Variants in CUX2 observed in about 807,000 individuals in gnomAD.
The protein encoded by CUX2 is homeobox protein cut-like 2.
In CUX2, 40 loss-of-function variants were observed where a neutral mutation model predicts 144.8. The observed-to-expected ratio is 0.28, with a 90% CI of 0.21 to 0.36. The LOEUF (loss-of-function observed/expected upper bound fraction) is 0.36. Ranked by LOEUF, CUX2 falls within the 10% of genes least tolerant of loss-of-function variation. The pLI is 1.00. For missense variants in CUX2, 1,615 were observed against 1,994.0 expected (o/e 0.81, Z 3.62); for synonymous variants, 827 against 875.6 (o/e 0.94, Z 0.98).
chr12:111,108,027 A>G (rs1000531193), intron 1 of CUX2, among the ~76,000 whole-genome samples: 2 of 152,192 alleles, frequency 1.3e-5, no homozygotes, highest in African/African-American at 4.8e-5. Flanking sequence ...CATGTGACGC[A>G]TGGAGTTGTT....
intron 1 of CUX2, among the ~76,000 whole-genome samples, chr12:111,082,766 G>A (rs907104344): frequency 1.2e-4 from 19 of 152,326 alleles, no homozygotes; most frequent in African/African-American, 3.8e-4. Flanking sequence ...AGCTCAGAGG[G>A]GAAGGCATGG....
chr12:111,065,407 C>T (rs1030407142), intron 1 of CUX2, among the ~76,000 whole-genome samples: 4 of 152,250 alleles, frequency 2.6e-5, no homozygotes, highest in African/African-American at 9.6e-5. Flanking sequence ...GATCTCGGCT[C>T]ACTGCAAACT....
At chr12:111,226,465 C>G (rs1327343151) in intron 3 of CUX2, among the ~76,000 whole-genome samples, 1 of 152,214 alleles carries the variant, frequency 6.6e-6, no homozygotes, top group Non-Finnish European at 1.5e-5. Flanking sequence ...GAACCAGCAG[C>G]AATCCTCTTT....
Position 111,163,654 on chromosome 12 carries a change from G to A in CUX2, c.64-50546G>A, listed in dbSNP as rs144507246. Among the ~76,000 whole-genome samples, 242 of 152,270 alleles carry A rather than the reference G, an allele frequency of 1.6e-3. 1 individual carries two copies. Among genetic ancestry groups the A allele is most frequent in the African/African-American group, 4.8e-3 (198 of 41,544 alleles). Reference sequence around the variant, plus strand: ...CCATACCTGAAACTACCTTGGCACCGTTTGGCTATATAAGCAGCAGTTTCC... The same window carrying A: ...CCATACCTGAAACTACCTTGGCACCATTTGGCTATATAAGCAGCAGTTTCC... On this transcript the variant is annotated intron_variant, in intron 1 of 21. Transcript: ENST00000261726.
intron 1 of CUX2, among the ~76,000 whole-genome samples, chr12:111,180,608 G>A (rs528136916): frequency 1.3e-5 from 2 of 152,320 alleles, no homozygotes; most frequent in South Asian, 2.1e-4. Flanking sequence ...TCATATTCTG[G>A]AACTTTCTTC....
intron 1 of CUX2, among the ~76,000 whole-genome samples, chr12:111,179,366 A>G (rs1300253521): frequency 6.6e-6 from 1 of 152,218 alleles, no homozygotes; most frequent in Non-Finnish European, 1.5e-5. Flanking sequence ...ACCACATATA[A>G]GGTGCACAGG....
intron 1 of CUX2, among the ~76,000 whole-genome samples, chr12:111,096,498 G>A (rs928388321): frequency 1.3e-5 from 2 of 152,172 alleles, no homozygotes; most frequent in East Asian, 1.9e-4. Context: ...TTCCAGAAGA[G>A]GAAACTGAGG....
chr12:111,321,199 T>C (rs1887510588), intron 17 of CUX2, among the ~76,000 whole-genome samples: 2 of 152,100 alleles, frequency 1.3e-5, no homozygotes, highest in African/African-American at 4.8e-5. Flanking sequence ...CTGGGCACGG[T>C]GGCTCACACC....
chr12:111,242,294 T>C (rs763473791), intron 3 of CUX2, among the ~76,000 whole-genome samples: 7 of 152,224 alleles, frequency 4.6e-5, no homozygotes, highest in Non-Finnish European at 8.8e-5. Flanking sequence ...AAATAAGTGA[T>C]GAAACTGAAT....
At chr12:111,294,208 A>G (rs914514685) in intron 6 of CUX2, among the ~76,000 whole-genome samples, 4 of 152,152 alleles carry the variant, frequency 2.6e-5, no homozygotes, top group Non-Finnish European at 5.9e-5. Flanking sequence ...TCCGGGTTTA[A>G]GCAATTCTCC....
intron 3 of CUX2, among the ~76,000 whole-genome samples, chr12:111,253,571 T>C (rs562256173): frequency 6.6e-6 from 1 of 152,300 alleles, no homozygotes; most frequent in South Asian, 2.1e-4. Flanking sequence ...TTCTCTTTCA[T>C]GATTTATTTC....
intron 4 of CUX2, among the ~76,000 whole-genome samples, chr12:111,278,578 A>T (rs926222059): frequency 6.6e-6 from 1 of 152,128 alleles, no homozygotes; most frequent in Non-Finnish European, 1.5e-5. Context: ...ATCACTTATC[A>T]CACATTTCAA....
chr12:111,155,657 G>C (rs1205466525), intron 1 of CUX2, among the ~76,000 whole-genome samples: 1 of 152,112 alleles, frequency 6.6e-6, no homozygotes, highest in Non-Finnish European at 1.5e-5. Flanking sequence ...GGCAGACCCG[G>C]ACAGCTCTGA....
At chr12:111,251,249 T>C (rs1883545969) in intron 3 of CUX2, among the ~76,000 whole-genome samples, 1 of 152,156 alleles carries the variant, frequency 6.6e-6, no homozygotes, top group African/African-American at 2.4e-5. Flanking sequence ...GATTCCCCTT[T>C]GTTTTGAGTG....
chr12:111,112,738 C>G (rs910985146), intron 1 of CUX2, among the ~76,000 whole-genome samples: 1 of 152,174 alleles, frequency 6.6e-6, no homozygotes, highest in Non-Finnish European at 1.5e-5. Context: ...TTAAAATAAG[C>G]CTTAATAAAG....
chr12:111,164,876 C>T (rs965196242), intron 1 of CUX2, among the ~76,000 whole-genome samples: 1 of 152,140 alleles, frequency 6.6e-6, no homozygotes, highest in Non-Finnish European at 1.5e-5. Flanking sequence ...CCTGCCTGTA[C>T]CCCCTGTAGC....
chr12:111,071,083 G>GTTT (rs774905040), intron 1 of CUX2, among the ~76,000 whole-genome samples: 7 of 134,226 alleles, frequency 5.2e-5, no homozygotes, highest in African/African-American at 1.1e-4. Context: ...CTTTCTCTAG[G>GTTT]TTTTTTTTTT....
chr12:111,091,066 A>T (rs922520880), intron 1 of CUX2, among the ~76,000 whole-genome samples: 5 of 152,108 alleles, frequency 3.3e-5, no homozygotes, highest in Non-Finnish European at 7.4e-5. Context: ...TCCTCACTAC[A>T]TGGGACCTTG....
chr12:111,127,691 A>G (rs941014396), intron 1 of CUX2, among the ~76,000 whole-genome samples: 1 of 152,180 alleles, frequency 6.6e-6, no homozygotes, highest in African/African-American at 2.4e-5. Context: ...CAGGTGTATT[A>G]ATCTGTTCTC....
Sources: gnomAD v4.1 joint callset for allele counts (sites outside exome capture counted in the v4.1 genomes callset) on GRCh38, gnomAD v4.1.1 for gene constraint, MANE v1.5 for transcripts, NCBI Gene and HGNC (gene_info 2026-07-23, HGNC 2026-07-21) for gene names.